Variants in ITCH observed in about 807,000 individuals in gnomAD.
The protein encoded by ITCH is E3 ubiquitin-protein ligase Itchy homolog.
Under a neutral mutation model 126.8 loss-of-function variants are expected in ITCH, and 28 were observed. The observed-to-expected ratio is 0.22, with a 90% CI of 0.16 to 0.30. ITCH has a LOEUF of 0.30. Among genes scored for constraint, ITCH ranks in the 10% least tolerant of loss-of-function variants. The pLI, the probability that ITCH is intolerant of heterozygous loss-of-function variation, is 1.00. For missense variants in ITCH, 631 were observed against 1,032.4 expected (o/e 0.61, Z 5.33); for synonymous variants, 342 against 340.0 (o/e 1.01, Z -0.06).
At chr20:34,473,231 C>T (rs915167954) in intron 16 of ITCH, among the ~76,000 whole-genome samples, 7 of 152,194 alleles carry the variant, frequency 4.6e-5, no homozygotes, top group African/African-American at 1.7e-4. Flanking sequence ...TCTGTTAACA[C>T]AGCACAACTG....
At chr20:34,498,253 C>T (rs1990016672) in intron 23 of ITCH, among the ~76,000 whole-genome samples, 1 of 152,042 alleles carries the variant, frequency 6.6e-6, no homozygotes, top group Admixed American at 6.6e-5. Flanking sequence ...TTAAGGTTTT[C>T]TGTATATAAG....
chr20:34,477,802 A>G lies in ITCH; in HGVS notation c.1600A>G (p.Arg534Gly), dbSNP rs1988378528. ...IMSFSPQDLR[R>G]RLWVIFPGEE... is the part of the protein sequence containing the mutation. ...GAGCTTCAGTCCCCAAGATCTGCGA[A>G]GACGTTTGTGGGTGATTTTTCCAGG... The change falls in exon 17 of 25, where the codon AGA becomes GGA. Residue 534 changes from arginine (R) to glycine (G), a missense_variant. Transcript: ENST00000374864. 1.9e-6 allele frequency: 3 copies of G among 1,613,870 alleles called. No homozygotes were observed. The highest frequency in any genetic ancestry group is 2.5e-6 in the Non-Finnish European group (3 of 1,179,868).
At chr20:34,416,910 G>A (rs1299679937) in intron 6 of ITCH, among the ~76,000 whole-genome samples, 1 of 109,888 alleles carries the variant, frequency 9.1e-6, no homozygotes, top group African/African-American at 3.8e-5. Context: ...CCTCTTCCTA[G>A]CTTTTTTTTT....
At chr20:34,487,823 C>T (rs1205069269) in intron 20 of ITCH, among the ~76,000 whole-genome samples, 1 of 152,160 alleles carries the variant, frequency 6.6e-6, no homozygotes, top group Non-Finnish European at 1.5e-5. Flanking sequence ...CCTGTAATCC[C>T]AGCTACTTGG....
At chr20:34,397,427 C>T (rs2038717143) in intron 3 of ITCH, among the ~76,000 whole-genome samples, 1 of 152,164 alleles carries the variant, frequency 6.6e-6, no homozygotes, top group Non-Finnish European at 1.5e-5. Context: ...AGTCTCTCTC[C>T]CTTTAATTTG....
At chr20:34,404,025 C>T (rs1216382035) in intron 3 of ITCH, among the ~76,000 whole-genome samples, 1 of 152,100 alleles carries the variant, frequency 6.6e-6, no homozygotes, top group African/African-American at 2.4e-5. Flanking sequence ...AATAAAGAAT[C>T]ATTTAAGTAA....
rs1981205932 is a variant in ITCH at position 34,424,368 on chromosome 20, T to C, written c.476-112T>C. The C allele has an allele frequency of 4.8e-6, 4 of 830,540 alleles. No individual in the cohort carries two copies. In the East Asian group the frequency reaches 9.8e-5, roughly 20 times the overall value. 51.4% of individuals were successfully genotyped at this position (830,540 alleles called of 1,614,324 possible). ...TTGGAATTTAAGTTATAGTATGTTC[T>C]TTATTACAAAGATTTAATAAAAGGC... On this transcript the variant is annotated intron_variant, in intron 6 of 24. Coordinates refer to ENST00000374864, the MANE Select transcript of ITCH (RefSeq NM_031483.7).
At chr20:34,371,717 A>G (rs1420444502) in intron 2 of ITCH, among the ~76,000 whole-genome samples, 3 of 152,202 alleles carry the variant, frequency 2.0e-5, no homozygotes, top group Non-Finnish European at 2.9e-5. Flanking sequence ...TTCTCAGCAT[A>G]TCCATTTCAT....
intron 10 of ITCH, 56 bp from the exon 11 acceptor site, chr20:34,445,231 T>G: frequency 6.3e-7 from 1 of 1,583,658 alleles, no homozygotes; most frequent in Non-Finnish European, 8.6e-7. Flanking sequence ...ATATTCTATC[T>G]GTTTCACAAG....
intron 14 of ITCH, among the ~76,000 whole-genome samples, chr20:34,469,681 G>A (rs113552707): frequency 2.6e-5 from 4 of 152,264 alleles, no homozygotes; most frequent in African/African-American, 9.6e-5. Context: ...TTTATTATAT[G>A]TAGCATTCTA....
At chr20:34,377,695 C>G (rs931626133) in intron 2 of ITCH, among the ~76,000 whole-genome samples, 1 of 151,878 alleles carries the variant, frequency 6.6e-6, no homozygotes, top group African/African-American at 2.4e-5. Flanking sequence ...GAAACCCTGT[C>G]TCTACGAAAA....
At chr20:34,460,967 A>G (rs928588839) in intron 13 of ITCH, among the ~76,000 whole-genome samples, 1 of 152,104 alleles carries the variant, frequency 6.6e-6, no homozygotes, top group Non-Finnish European at 1.5e-5. Context: ...GCTGCAGTGA[A>G]CTATGATCAT....
chr20:34,474,842 G>A (rs1426648367), intron 16 of ITCH, among the ~76,000 whole-genome samples: 3 of 151,598 alleles, frequency 2.0e-5, no homozygotes, highest in Non-Finnish European at 4.4e-5. Flanking sequence ...GGGTGGAGAC[G>A]CTCCTCACTT....
intron 2 of ITCH, among the ~76,000 whole-genome samples, chr20:34,375,696 A>T (rs768489096): frequency 1.4e-3 from 95 of 65,582 alleles, no homozygotes; most frequent in African/African-American, 3.5e-3. Flanking sequence ...GGTAGTTAAA[A>T]TTTTTTTTTT....
At chr20:34,446,572 C>T (rs966672148) in intron 11 of ITCH, among the ~76,000 whole-genome samples, 1 of 152,156 alleles carries the variant, frequency 6.6e-6, no homozygotes, top group African/African-American at 2.4e-5. Flanking sequence ...TATATTTCCC[C>T]TCCCAGTGGT....
At chr20:34,425,289 CT>C (rs1354975438) in intron 7 of ITCH, among the ~76,000 whole-genome samples, 1 of 152,186 alleles carries the variant, frequency 6.6e-6, no homozygotes, top group East Asian at 1.9e-4. Flanking sequence ...ACACAATGCA[CT>C]GCAGAAAGCC....
rs148643009 is a variant in ITCH, at chr20:34,420,568, G to A, written c.476-3912G>A. ...GCATTTGTGTACAAGGTTCTGTGTA[G>A]AAATATGTTTTCATTTCTTTTGGAT... is the stretch of plus-strand genomic sequence containing the variant. On this transcript the variant is annotated intron_variant, in intron 6 of 24. Transcript: ENST00000374864. Among the ~76,000 whole-genome samples, 802 of 152,290 alleles carry A rather than the reference G, an allele frequency of 5.3e-3. 9 individuals carry two copies. Among genetic ancestry groups the A allele is most frequent in the African/African-American group, 0.018 (757 of 41,566 alleles).
chr20:34,510,928 C>G lies in ITCH; in HGVS notation c.*3134C>G, dbSNP rs148618095. 1 of 152,164 alleles carries G rather than the reference C, an allele frequency of 6.6e-6. No individual in the cohort carries two copies. The highest frequency in any genetic ancestry group is 6.5e-5 in the Admixed American group (1 of 15,286). The allele number at this position is 152,164 out of a possible 1,614,324, so 9.4% of individuals were successfully genotyped here. A position where few individuals can be genotyped will look rare whatever the true frequency, so the allele number is the denominator to read the frequency against. On this transcript the variant is annotated 3_prime_UTR_variant, in exon 25 of 25. Transcript: ENST00000374864. ...CTCAACTATACACAAAGTTCTCATC[C>G]TAAATGAACTATTTCAGTCAAGCCC...
intron 20 of ITCH, among the ~76,000 whole-genome samples, chr20:34,484,412 A>G (rs779413876): frequency 1.3e-5 from 2 of 152,218 alleles, no homozygotes. Context: ...TTGGACAACA[A>G]TCTATCCTTT....
Sources: gnomAD v4.1 joint callset for allele counts (sites outside exome capture counted in the v4.1 genomes callset) on GRCh38, gnomAD v4.1.1 for gene constraint, MANE v1.5 for transcripts, NCBI Gene and HGNC (gene_info 2026-07-23, HGNC 2026-07-21) for gene names.